GPR78: variants seen among roughly 807,000 people sequenced by gnomAD.
GPR78 encodes G protein-coupled receptor 78.
GPR78 carries 29 observed loss-of-function variants against 17.9 expected under a neutral mutation model. The observed-to-expected ratio is 1.62, with a 90% CI of 1.20 to 2.21. The LOEUF (loss-of-function observed/expected upper bound fraction) is 2.21. Ranked by LOEUF, GPR78 falls within the 30% of genes most tolerant of loss-of-function variation. The probability of loss-of-function intolerance (pLI) is 0.00; values close to 1 mark genes in which losing one functional copy is unlikely to be tolerated. For missense variants in GPR78, 649 were observed against 530.5 expected (o/e 1.22, Z -2.19); for synonymous variants, 349 against 256.9 (o/e 1.36, Z -3.43).
At position 8,581,082 on chromosome 4, in the gene GPR78, G is replaced by T. The variant is rs1219140338; in HGVS notation, c.100G>T (p.Ala34Ser). Residue 34 changes from alanine to serine, a missense_variant, in exon 1 of 3, where the codon GCT (alanine) becomes TCT (serine). Physicochemically the swap from Ala to Ser is moderately conservative, Grantham distance 99. Coordinates refer to ENST00000382487, the MANE Select transcript of GPR78 (RefSeq NM_080819.5). ...ALVLLCCAYS[A>S]ELRTRASGVL... ...GGTGCTGCTTTGTTGCGCCTACAGC[G>T]CTGAGCTCCGCACTCGAGCCTCAGG... 5 of 1,606,022 alleles carry T rather than the reference G, an allele frequency of 3.1e-6. No individual in the cohort carries two copies. The highest frequency in any genetic ancestry group is 3.4e-6 in the Non-Finnish European group (4 of 1,179,310).
At chr4:8,585,773 TTGCC>T (rs886273621) in intron 2 of GPR78, among the ~76,000 whole-genome samples, 2 of 151,880 alleles carry the variant, frequency 1.3e-5, no homozygotes, top group East Asian at 2.0e-4. Context: ...CTTGAGGTGG[TTGCC>T]TGCCTGCCTG....
At position 8,580,988 on chromosome 4, in the gene GPR78, C is replaced by A; in HGVS notation, c.6C>A (p.Gly2=). The change falls in exon 1 of 3, where the codon GGC becomes GGA. Residue 2 remains glycine (G), a synonymous_variant. Transcript: ENST00000382487. ...CCTGGCGAGCCGCTAGCGCCATGGG[C>A]CCCGGCGAGGCGCTGCTGGCGGGTC... M[G]PGEALLAGLL... is the part of the protein sequence containing the mutation. 6.3e-7 allele frequency: 1 copy of A among 1,580,658 alleles called. No homozygotes were observed. Among genetic ancestry groups the A allele is most frequent in the Non-Finnish European group, 8.6e-7 (1 of 1,165,116 alleles).
chr4:8,587,468 G>GTGGAAAGGGC lies in GPR78; in HGVS notation c.*105_*106insTGGAAAGGGC. 1 of 1,126,758 alleles carries GTGGAAAGGGC rather than the reference G, an allele frequency of 8.9e-7. No homozygotes were observed. Among genetic ancestry groups the GTGGAAAGGGC allele is most frequent in the Non-Finnish European group, 1.3e-6 (1 of 786,020 alleles). 69.8% of individuals were successfully genotyped at this position (1,126,758 alleles called of 1,614,324 possible). ...GGGGACCCCCAGACACCAGTGGCTT[G>GTGGAAAGGGC]ACTTTGAGCTAAGGCTGAAGTACAG... On this transcript the variant is annotated 3_prime_UTR_variant, in exon 3 of 3. Coordinates refer to ENST00000382487, the MANE Select transcript of GPR78 (RefSeq NM_080819.5).
chr4:8,582,641 C>T lies in GPR78; in HGVS notation c.779C>T (p.Thr260Ile). The change falls in exon 2 of 3, where the codon ACC (threonine) becomes ATC (isoleucine). Residue 260 changes from threonine to isoleucine, a missense_variant. Thr to Ile is a moderately conservative substitution (Grantham distance 89, BLOSUM62 -1). Coordinates refer to ENST00000382487, the MANE Select transcript of GPR78 (RefSeq NM_080819.5). ...ATCTGCTTTGCCCCGTATGTCATGA[C>T]CAGGTGGGTCCTGGCAGTCCGGCTC... ...FLICFAPYVMTRLAELVPFVT... is the reference protein window; with the variant it reads ...FLICFAPYVMIRLAELVPFVT... 5 of 1,599,916 alleles carry T rather than the reference C, an allele frequency of 3.1e-6. No homozygotes were observed. Among genetic ancestry groups the T allele is most frequent in the Non-Finnish European group, 4.3e-6 (5 of 1,167,154 alleles).
In GPR78 at chr4:8,580,668, C is replaced by T; in HGVS notation, c.-315C>T. Reference sequence around the variant, plus strand: ...CTCGCCCCTACGCCCCGCGCCCCTGCGCCTCGCTTCAGCCTCAGGACAGTC... The same window carrying T: ...CTCGCCCCTACGCCCCGCGCCCCTGTGCCTCGCTTCAGCCTCAGGACAGTC... On this transcript the variant is annotated 5_prime_UTR_variant, in exon 1 of 3. Transcript: ENST00000382487. 2.3e-6 allele frequency: 1 copy of T among 443,290 alleles called. No individual in the cohort carries two copies. The highest frequency in any genetic ancestry group is 4.0e-6 in the Non-Finnish European group (1 of 252,910). The allele number at this position is 443,290 out of a possible 1,614,324, so 27.5% of individuals were successfully genotyped here.
rs1034538463 is a variant in GPR78 at position 8,580,916 on chromosome 4, C to T, written c.-67C>T. 1 of 1,399,440 alleles carries T rather than the reference C, an allele frequency of 7.1e-7. No homozygotes were observed. Among genetic ancestry groups the T allele is most frequent in the Non-Finnish European group, 9.4e-7 (1 of 1,060,188 alleles). The allele number at this position is 1,399,440 out of a possible 1,614,324, so 86.7% of individuals were successfully genotyped here. On this transcript the variant is annotated 5_prime_UTR_variant, in exon 1 of 3. Coordinates refer to ENST00000382487, the MANE Select transcript of GPR78 (RefSeq NM_080819.5). ...GCCGCTCAGCTGCTCCATCGCCTCA[C>T]TTTCCCAGGCTCGCGCCCGAAGCAG... is the stretch of plus-strand genomic sequence containing the variant.
chr4:8,582,767 T>A, intron 2 of GPR78, 123 bp downstream of exon 2: 1 of 694,016 alleles, frequency 1.4e-6, no homozygotes. Flanking sequence ...AGGACCCTCC[T>A]CCACACCTGA....
In GPR78 at chr4:8,589,181, G is replaced by A. The variant is rs1334858759; in HGVS notation, c.*1818G>A. ...CCACCACACCCAGCCAAAACCAGGT[G>A]TTATTTGCTGACTCACCAATGCCTC... On this transcript the variant is annotated 3_prime_UTR_variant, in exon 3 of 3. Coordinates refer to ENST00000382487, the MANE Select transcript of GPR78 (RefSeq NM_080819.5). Among the ~76,000 whole-genome samples the A allele has an allele frequency of 6.6e-6, 1 of 152,026 alleles. No individual in the cohort carries two copies. Among genetic ancestry groups the A allele is most frequent in the Admixed American group, 6.6e-5 (1 of 15,264 alleles).
At chr4:8,585,771 G>A (rs1409478575) in intron 2 of GPR78, among the ~76,000 whole-genome samples, 1 of 151,934 alleles carries the variant, frequency 6.6e-6, no homozygotes, top group Non-Finnish European at 1.5e-5. Flanking sequence ...AGCTTGAGGT[G>A]GTTGCCTGCC....
At chr4:8,585,085 A>G (rs1713452534) in intron 2 of GPR78, among the ~76,000 whole-genome samples, 3 of 152,202 alleles carry the variant, frequency 2.0e-5, no homozygotes, top group South Asian at 4.1e-4. Context: ...TACTGACTCA[A>G]TCAGTCGTGC....
At position 8,581,144 on chromosome 4, in the gene GPR78, G is replaced by A. The variant is rs1238507751; in HGVS notation, c.162G>A (p.Leu54=). The A allele has an allele frequency of 1.2e-6, 2 of 1,604,354 alleles. No homozygotes were observed. Among genetic ancestry groups the A allele is most frequent in the African/African-American group, 1.3e-5 (1 of 74,930 alleles). The stretch of plus-strand genomic sequence containing the variant: ...TGAATCTGTCTCTGGGCCACCTGCT[G>A]CTGGCGGCGCTGGACATGCCCTTCA... ...LLVNLSLGHL[L]LAALDMPFTL... Residue 54 remains leucine (L), a synonymous_variant, in exon 1 of 3, where the codon CTG becomes CTA. Coordinates refer to ENST00000382487, the MANE Select transcript of GPR78 (RefSeq NM_080819.5).
rs1713669213 is a variant in GPR78 at position 8,589,635 on chromosome 4, A to C, written c.*2272A>C. Among the ~76,000 whole-genome samples the C allele has an allele frequency of 6.6e-6, 1 of 152,132 alleles. No homozygotes were observed. Among genetic ancestry groups the C allele is most frequent in the Non-Finnish European group, 1.5e-5 (1 of 68,012 alleles). On this transcript the variant is annotated 3_prime_UTR_variant, in exon 3 of 3. Transcript: ENST00000382487. ...GAGCCTGCCAGCCAGTGGGGCCTAC[A>C]CTCTGTGTTATTGCATCTCCGCCAG...
Position 8,587,474 on chromosome 4 carries a change from G to T in GPR78, c.*111G>T. On this transcript the variant is annotated 3_prime_UTR_variant, in exon 3 of 3. Transcript: ENST00000382487. ...CCCCAGACACCAGTGGCTTGACTTT[G>T]AGCTAAGGCTGAAGTACAGGAGGAG... is the stretch of plus-strand genomic sequence containing the variant. 1 of 1,065,326 alleles carries T rather than the reference G, an allele frequency of 9.4e-7. No homozygotes were observed. Among genetic ancestry groups the T allele is most frequent in the South Asian group, 1.6e-5 (1 of 63,552 alleles). The allele number at this position is 1,065,326 out of a possible 1,614,324, so 66.0% of individuals were successfully genotyped here.
At chr4:8,584,170 C>G (rs1713407722) in intron 2 of GPR78, among the ~76,000 whole-genome samples, 1 of 152,184 alleles carries the variant, frequency 6.6e-6, no homozygotes, top group South Asian at 2.1e-4. Context: ...AGAGCTCCAG[C>G]ATTTAGTTTT....
At position 8,587,404 on chromosome 4, in the gene GPR78, C is replaced by G. The variant is rs781433780; in HGVS notation, c.*41C>G. The G allele has an allele frequency of 4.4e-6, 7 of 1,584,414 alleles. No individual in the cohort carries two copies. The African/African-American group carries it at 5.4e-5, about 12-fold the overall frequency. Reference sequence around the variant, plus strand: ...CATCGCCCCCACCTTCTAAGAAGCCCTGTGGAAAGGGCACTGGCCCTGCCA... The same window carrying G: ...CATCGCCCCCACCTTCTAAGAAGCCGTGTGGAAAGGGCACTGGCCCTGCCA... On this transcript the variant is annotated 3_prime_UTR_variant, in exon 3 of 3. Coordinates refer to ENST00000382487, the MANE Select transcript of GPR78 (RefSeq NM_080819.5).
At chr4:8,585,029 G>A (rs1713444075) in intron 2 of GPR78, among the ~76,000 whole-genome samples, 5 of 152,212 alleles carry the variant, frequency 3.3e-5, no homozygotes, top group Non-Finnish European at 7.3e-5. Flanking sequence ...AGGAGATGGG[G>A]GACATGGGAT....
In GPR78 at chr4:8,589,661, G is replaced by T. The variant is rs547382143; in HGVS notation, c.*2298G>T. 3.9e-5 allele frequency among the ~76,000 whole-genome samples: 6 copies of T among 152,352 alleles called. No homozygotes were observed. The highest frequency in any genetic ancestry group is 1.4e-4 in the African/African-American group (6 of 41,588). On this transcript the variant is annotated 3_prime_UTR_variant, in exon 3 of 3. Transcript: ENST00000382487. ...CTCTGTGTTATTGCATCTCCGCCAGGCTAAAAGCCTTGGTCACTACTTTAG... is the reference window on the plus strand; with the variant it reads ...CTCTGTGTTATTGCATCTCCGCCAGTCTAAAAGCCTTGGTCACTACTTTAG...
chr4:8,583,072 C>T (rs1307542364), intron 2 of GPR78: 2 of 177,588 alleles, frequency 1.1e-5, no homozygotes, highest in African/African-American at 4.7e-5. Context: ...CTTTGCTTCT[C>T]TCTTTCCTGG....
rs1349668110 is a variant in GPR78 at position 8,587,880 on chromosome 4, C to T, written c.*517C>T. ...CGGGGCGGAGTCTGGTTGGGGGCTCCCAGAGTTCACATCTGATAGTCTGTG... is the reference window on the plus strand; with the variant it reads ...CGGGGCGGAGTCTGGTTGGGGGCTCTCAGAGTTCACATCTGATAGTCTGTG... On this transcript the variant is annotated 3_prime_UTR_variant, in exon 3 of 3. Transcript: ENST00000382487. The T allele has an allele frequency of 6.0e-6, 1 of 166,512 alleles. No homozygotes were observed. The highest frequency in any genetic ancestry group is 1.7e-4 in the East Asian group (1 of 5,866). 10.3% of individuals were successfully genotyped at this position (166,512 alleles called of 1,614,324 possible). A position where few individuals can be genotyped will look rare whatever the true frequency, so the allele number is the denominator to read the frequency against.
Sources: allele counts gnomAD v4.1 joint callset (sites outside exome capture counted in the v4.1 genomes callset), GRCh38; gene constraint gnomAD v4.1.1; transcripts MANE v1.5; gene names NCBI Gene and HGNC (gene_info 2026-07-23, HGNC 2026-07-21).